Variants in ZPBP observed in about 807,000 individuals in gnomAD.
ZPBP encodes the protein zona pellucida-binding protein 1.
Under a neutral mutation model 44.8 loss-of-function variants are expected in ZPBP, and 26 were observed. The ratio of observed to expected loss-of-function variants is 0.58; its 90% CI spans 0.43 to 0.81. The LOEUF is 0.81. Among genes scored for constraint, ZPBP ranks in the 30% least tolerant of loss-of-function variants. ZPBP has a pLI of 0.00. For synonymous variants in ZPBP, 174 were observed against 153.2 expected (o/e 1.14, Z -1.00); for missense variants, 409 against 434.0 (o/e 0.94, Z 0.51).
intron 4 of ZPBP, among the ~76,000 whole-genome samples, chr7:50,032,179 T>TA (rs367611753): frequency 2.7e-3 from 414 of 152,342 alleles, no homozygotes; most frequent in African/African-American, 9.2e-3. Flanking sequence ...GAAACCTCTA[T>TA]AGGTTTCATT....
chr7:50,022,714 T>A (rs896843587), intron 5 of ZPBP, among the ~76,000 whole-genome samples: 1 of 152,024 alleles, frequency 6.6e-6, no homozygotes, highest in East Asian at 1.9e-4. Context: ...CTTAGACCCA[T>A]CAGAAAATTG....
rs183655532 is a variant in ZPBP, at chr7:49,971,189, T to G, written c.961+12153A>C. Among the ~76,000 whole-genome samples the G allele has an allele frequency of 3.9e-3, 594 of 151,618 alleles. 6 individuals carry two copies. Among genetic ancestry groups the G allele is most frequent in the African/African-American group, 0.014 (575 of 41,316 alleles). Reference sequence around the variant, plus strand: ...GAGCTGGAAACACATATATGAAACATGAGAAAAGACTGCTAATCAGTAAAC... The same window carrying G: ...GAGCTGGAAACACATATATGAAACAGGAGAAAAGACTGCTAATCAGTAAAC... On this transcript the variant is annotated intron_variant, in intron 7 of 7. Coordinates refer to ENST00000046087, the MANE Select transcript of ZPBP (RefSeq NM_007009.3).
At chr7:50,003,814 G>T (rs1007640766) in intron 6 of ZPBP, among the ~76,000 whole-genome samples, 1 of 151,088 alleles carries the variant, frequency 6.6e-6, no homozygotes. Context: ...AGTATATAAA[G>T]AAACAGGAAA....
chr7:49,965,545 C>A (rs1438906581), intron 7 of ZPBP, among the ~76,000 whole-genome samples: 1 of 151,868 alleles, frequency 6.6e-6, no homozygotes, highest in African/African-American at 2.4e-5. Flanking sequence ...AAAATTACTG[C>A]AAATGGAAAT....
intron 2 of ZPBP, among the ~76,000 whole-genome samples, chr7:49,856,173 G>A (rs758242642): frequency 4.6e-5 from 7 of 152,200 alleles, no homozygotes; most frequent in Non-Finnish European, 1.0e-4. Context: ...GGAATCTCAT[G>A]TTGAAATGTG....
intron 3 of ZPBP, among the ~76,000 whole-genome samples, chr7:50,078,898 G>C (rs1222312985): frequency 8.5e-6 from 1 of 117,720 alleles, no homozygotes; most frequent in African/African-American, 3.1e-5. Context: ...ATGGGCAAAA[G>C]ACATGAATAG....
intron 2 of ZPBP, among the ~76,000 whole-genome samples, chr7:49,889,979 T>A (rs1792063619): frequency 6.6e-6 from 1 of 152,172 alleles, no homozygotes; most frequent in African/African-American, 2.4e-5. Context: ...TGATTAGAAT[T>A]GGGATCTAAT....
At chr7:49,956,445 T>C (rs1007815800) in intron 7 of ZPBP, among the ~76,000 whole-genome samples, 1 of 152,020 alleles carries the variant, frequency 6.6e-6, no homozygotes, top group African/African-American at 2.4e-5. Context: ...TGTAGCAAAG[T>C]AGTAGTAAGC....
At chr7:49,842,884 C>T in the ZPBP span, among the ~76,000 whole-genome samples, 18 of 151,998 alleles carry the variant, frequency 1.2e-4, no homozygotes, top group Non-Finnish European at 1.8e-4. Context: ...ATTCATCTCC[C>T]GTTTCTGTTT....
Position 49,987,728 on chromosome 7 carries a change from TTGTGTGTGTGTGTGTGTGTGTGTGTG to T in ZPBP, c.784-4235_784-4210del, listed in dbSNP as rs55971066. Among the ~76,000 whole-genome samples the T allele has an allele frequency of 8.0e-3, 1,162 of 145,656 alleles. 14 individuals carry two copies. The highest frequency in any genetic ancestry group is 0.028 in the African/African-American group (1,111 of 39,234). ...GCCTTTCTGTGTAGTTATATATGTG[TTGTGTGTGTGTGTGTGTGTGTGTGTG>T]TGTGTGTGTGTGTGTGTGCAATGTC... On this transcript the variant is annotated intron_variant, in intron 6 of 7. Coordinates refer to ENST00000046087, the MANE Select transcript of ZPBP (RefSeq NM_007009.3).
At chr7:50,052,807 G>A (rs1800757835) in intron 4 of ZPBP, among the ~76,000 whole-genome samples, 1 of 151,988 alleles carries the variant, frequency 6.6e-6, no homozygotes, top group Non-Finnish European at 1.5e-5. Flanking sequence ...AGCTTATAAA[G>A]GAATTTGGAA....
intron 2 of ZPBP, among the ~76,000 whole-genome samples, chr7:49,876,190 C>T (rs545431730): frequency 7.9e-5 from 12 of 152,228 alleles, no homozygotes; most frequent in Admixed American, 7.9e-4. Context: ...CTTTAAGAGA[C>T]ACAGGTTGGG....
At chr7:49,936,160 G>A (rs1794614175), downstream of ZPBP, 1 of 152,300 alleles carries the variant, frequency 6.6e-6, no homozygotes, top group South Asian at 2.1e-4. Flanking sequence ...CAAAATACAT[G>A]TGTTAGCAAT....
chr7:50,001,804 A>G (rs1305872268), intron 6 of ZPBP, among the ~76,000 whole-genome samples: 1 of 152,202 alleles, frequency 6.6e-6, no homozygotes, highest in Non-Finnish European at 1.5e-5. Context: ...GGGAATGCCA[A>G]CATGACTATT....
Position 50,093,056 on chromosome 7 carries a change from G to T in ZPBP, c.127+12C>A, listed in dbSNP as rs766496405. ...GTCCCTGCGGAGCCGGCAGGGCGGC[G>T]CGGACCCTCACCTGATGAGGGCACC... is the stretch of plus-strand genomic sequence containing the variant. On this transcript the variant is annotated intron_variant, in intron 1 of 7. Transcript: ENST00000046087. The T allele has an allele frequency of 6.3e-7, 1 of 1,596,498 alleles. No individual in the cohort carries two copies. The highest frequency in any genetic ancestry group is 1.7e-5 in the Admixed American group (1 of 57,956).
intron 7 of ZPBP, among the ~76,000 whole-genome samples, chr7:49,979,229 A>G (rs1046916132): frequency 2.0e-5 from 3 of 152,090 alleles, no homozygotes; most frequent in Middle Eastern, 3.4e-3. Context: ...TATCACAATT[A>G]CATTGAACCC....
At chr7:49,932,063 C>T (rs2086697) in intron 1 of ZPBP, among the ~76,000 whole-genome samples, 118,406 of 152,210 alleles carry the variant, frequency 0.78, 46,226 homozygotes, top group East Asian at 0.88. Flanking sequence ...AGAGGATGTA[C>T]GGAAATGCCT....
intron 1 of ZPBP, among the ~76,000 whole-genome samples, chr7:49,930,528 A>C (rs533166561): frequency 8.8e-4 from 134 of 152,352 alleles, no homozygotes; most frequent in African/African-American, 3.1e-3. Flanking sequence ...AAAAAAATGA[A>C]AATTAATAGA....
chr7:50,036,010 A>G (rs1799811253), intron 4 of ZPBP, among the ~76,000 whole-genome samples: 1 of 152,238 alleles, frequency 6.6e-6, no homozygotes, highest in Non-Finnish European at 1.5e-5. Flanking sequence ...TGAAATAGAT[A>G]AGCCAAATGG....
Sources: allele counts gnomAD v4.1 joint callset (sites outside exome capture counted in the v4.1 genomes callset), GRCh38; gene constraint gnomAD v4.1.1; transcripts MANE v1.5; gene names NCBI Gene and HGNC (gene_info 2026-07-23, HGNC 2026-07-21).